TRIM39: variants seen among roughly 807,000 people sequenced by gnomAD.
TRIM39 encodes tripartite motif containing 39.
Under a neutral mutation model 53.6 loss-of-function variants are expected in TRIM39, and 5 were observed. That is an observed-to-expected ratio of 0.09 (90% confidence interval 0.05 to 0.20). The LOEUF (loss-of-function observed/expected upper bound fraction) is 0.20, where lower values mean the gene tolerates loss of function less well. Ranked by LOEUF, TRIM39 falls within the 10% of genes least tolerant of loss-of-function variation. The probability of loss-of-function intolerance (pLI) is 1.00; values close to 1 mark genes in which losing one functional copy is unlikely to be tolerated. For missense variants in TRIM39, 310 were observed against 621.0 expected (o/e 0.50, Z 5.32); for synonymous variants, 196 against 237.6 (o/e 0.82, Z 1.61).
rs1288612128 is a variant in TRIM39, at chr6:30,340,419, TAAA to T, written c.804-83_804-81del. 3 of 1,610,138 alleles carry T rather than the reference TAAA, an allele frequency of 1.9e-6. No individual in the cohort carries two copies. The Admixed American group carries it at 5.0e-5, about 27-fold the overall frequency. On this transcript the variant is annotated intron_variant, in intron 6 of 7. Coordinates refer to ENST00000396551, the Ensembl canonical transcript of TRIM39. ...AAGATGGAGAATTTTAATTTCTCCC[TAAA>T]AATGTTAACATCTGAATAGTCACTT...
intron 3 of TRIM39, 54 bp downstream of exon 3, chr6:30,329,824 G>T: frequency 6.3e-7 from 1 of 1,575,022 alleles, no homozygotes. Flanking sequence ...AAGCGGCAGA[G>T]GATGAGATAC....
rs1009306639 is a variant in TRIM39 at position 30,335,189 on chromosome 6, A to C, written c.550-556A>C. Among the ~76,000 whole-genome samples the C allele has an allele frequency of 1.3e-5, 2 of 152,234 alleles. No homozygotes were observed. Among genetic ancestry groups the C allele is most frequent in the African/African-American group, 4.8e-5 (2 of 41,462 alleles). On this transcript the variant is annotated intron_variant, in intron 4 of 7. Transcript: ENST00000396551. The surrounding 1 kb of genome is among the most constrained non-coding windows in gnomAD (Gnocchi z 4.7). The stretch of plus-strand genomic sequence containing the variant: ...CAGTGGTCTTCACTACCAAGTCATC[A>C]GTAGGGGGGTGATAGTGATGGAGCC...
rs2127410506 is a variant in TRIM39 at position 30,340,133 on chromosome 6, A to G, written c.803+203A>G. 3.7e-6 allele frequency: 4 copies of G among 1,079,016 alleles called. No homozygotes were observed. The East Asian group carries it at 1.0e-4, about 27-fold the overall frequency. The allele number at this position is 1,079,016 out of a possible 1,614,324, so 66.8% of individuals were successfully genotyped here. On this transcript the variant is annotated intron_variant, in intron 6 of 7. Transcript: ENST00000396551. ...TAATCCCTTTTCCCCTTTGAACATC[A>G]GGACTTCTTGAGAAGGAGAATGATA...
chr6:30,336,925 T>G lies in TRIM39; in HGVS notation c.780+950T>G, dbSNP rs566711275. On this transcript the variant is annotated intron_variant, in intron 5 of 7. Transcript: ENST00000396551. ...TTTATGAAATACATTTATTAAGACT[T>G]GAAAGTCCAAATTACTTCTTGATCC... Among the ~76,000 whole-genome samples the G allele has an allele frequency of 4.6e-5, 7 of 152,312 alleles. No individual in the cohort carries two copies. The South Asian group carries it at 1.5e-3, about 32-fold the overall frequency.
chr6:30,336,800 C>T (rs1786915696), intron 5 of TRIM39, among the ~76,000 whole-genome samples: 3 of 152,182 alleles, frequency 2.0e-5, no homozygotes, highest in Admixed American at 2.0e-4. Context: ...TTTCACAAAT[C>T]ACAAATGTTC....
chr6:30,342,182 C>T lies in TRIM39; in HGVS notation c.1390C>T (p.Leu464Phe). 7 of 1,613,072 alleles carry T rather than the reference C, an allele frequency of 4.3e-6. No individual in the cohort carries two copies. The highest frequency in any genetic ancestry group is 3.3e-5 in the South Asian group (3 of 91,084). The stretch of plus-strand genomic sequence containing the variant: ...TACTTTTACTGAGAAACTTTGGCCC[C>T]TCTTCTACCCAGGCATCCGGGCTGG... The change falls in exon 8 of 8, where the codon CTC (leucine) becomes TTC (phenylalanine). Residue 464 changes from leucine to phenylalanine, a missense_variant. Physicochemically the swap from Leu to Phe is conservative, Grantham distance 22. This residue lies in a region of TRIM39 where 75 missense variants were observed against 244.8 expected (regional missense o/e 0.31). Transcript: ENST00000396551. This position sits in a 1 kb window ranked among gnomAD's most constrained non-coding sequence, Gnocchi z 4.7.
intron 4 of TRIM39, 131 bp downstream of exon 4, chr6:30,331,007 C>A: frequency 9.2e-7 from 1 of 1,091,252 alleles, no homozygotes; most frequent in Non-Finnish European, 1.3e-6. Context: ...TGGTGGCTCA[C>A]ACCTGTAATC....
rs1255480398 is a variant in TRIM39, at chr6:30,329,894, C to T, written c.453+124C>T. ...CTTTGTATTCTCAGAGCTGCATATGCAGGGGCACACAGTATGTGTGATCAG... is the reference window on the plus strand; with the variant it reads ...CTTTGTATTCTCAGAGCTGCATATGTAGGGGCACACAGTATGTGTGATCAG... On this transcript the variant is annotated intron_variant, in intron 3 of 7. Coordinates refer to ENST00000396551, the Ensembl canonical transcript of TRIM39. 4 of 1,328,246 alleles carry T rather than the reference C, an allele frequency of 3.0e-6. No homozygotes were observed. In the East Asian group the frequency reaches 7.5e-5, roughly 25 times the overall value. The allele number at this position is 1,328,246 out of a possible 1,614,324, so 82.3% of individuals were successfully genotyped here. A position where few individuals can be genotyped will look rare whatever the true frequency, so the allele number is the denominator to read the frequency against.
chr6:30,342,671 T>G lies in TRIM39; in HGVS notation c.*412T>G, dbSNP rs535163153. On this transcript the variant is annotated 3_prime_UTR_variant, in exon 8 of 8. Transcript: ENST00000396551. The surrounding 1 kb of genome is among the most constrained non-coding windows in gnomAD (Gnocchi z 4.7). ...TTCTTTGACCCAGGATAGTCTTGCTTCTTGAGGTAGATCACAGGGGTCTGT... is the reference window on the plus strand; with the variant it reads ...TTCTTTGACCCAGGATAGTCTTGCTGCTTGAGGTAGATCACAGGGGTCTGT... The G allele has an allele frequency of 4.0e-5, 10 of 247,312 alleles. No homozygotes were observed. The East Asian group carries it at 7.6e-4, about 19-fold the overall frequency. The allele number at this position is 247,312 out of a possible 1,614,324, so 15.3% of individuals were successfully genotyped here.
intron 5 of TRIM39, 76 bp downstream of exon 5, chr6:30,336,051 G>C: frequency 6.3e-7 from 1 of 1,575,510 alleles, no homozygotes; most frequent in Non-Finnish European, 8.6e-7. Flanking sequence ...TTGTCAGCCT[G>C]GGATACTCAT....
At chr6:30,330,937 C>G (rs1786071473) in intron 4 of TRIM39, 61 bp downstream of exon 4, 1 of 1,562,476 alleles carries the variant, frequency 6.4e-7, no homozygotes, top group East Asian at 2.3e-5. Context: ...AGGGAATTAA[C>G]TGTACACTAT....
chr6:30,335,708 T>A lies in TRIM39; in HGVS notation c.550-37T>A, dbSNP rs1176531592. The A allele has an allele frequency of 6.2e-7, 1 of 1,603,916 alleles. No individual in the cohort carries two copies. The highest frequency in any genetic ancestry group is 1.3e-5 in the African/African-American group (1 of 74,770). ...AGAGAAAGGCTTCCTTATACCACAC[T>A]GACCCTGCTGATACAACATCTTCCC... On this transcript the variant is annotated intron_variant, in intron 4 of 7. Transcript: ENST00000396551. This position sits in a 1 kb window ranked among gnomAD's most constrained non-coding sequence, Gnocchi z 4.7.
exon 7 of TRIM39, chr6:30,340,515 G>T: frequency 6.2e-7 from 1 of 1,612,986 alleles, no homozygotes; most frequent in Non-Finnish European, 8.5e-7. Context: ...ATGTGAAAAG[G>T]TGAAGACCAT....
In TRIM39 at chr6:30,342,717, GATGA is replaced by G. The variant is rs1371871008; in HGVS notation, c.*463_*466del. On this transcript the variant is annotated 3_prime_UTR_variant, in exon 8 of 8. Coordinates refer to ENST00000396551, the Ensembl canonical transcript of TRIM39. The surrounding 1 kb of genome is among the most constrained non-coding windows in gnomAD (Gnocchi z 4.7). The stretch of plus-strand genomic sequence containing the variant: ...TCTGTGTACCTCTGAATTCATGAGA[GATGA>G]ATGACAGATGCTCTCATGGGTCTAG... 1.1e-5 allele frequency: 2 copies of G among 189,676 alleles called. No homozygotes were observed. The highest frequency in any genetic ancestry group is 2.2e-5 in the Non-Finnish European group (2 of 91,612). The allele number at this position is 189,676 out of a possible 1,614,324, so 11.7% of individuals were successfully genotyped here.
intron 6 of TRIM39, 22 bp from the exon 7 acceptor site, chr6:30,340,483 C>G: frequency 1.2e-6 from 2 of 1,612,840 alleles, no homozygotes; most frequent in Non-Finnish European, 1.7e-6. Flanking sequence ...CCTTTCTTCC[C>G]CTATCTCCCT....
Position 30,339,777 on chromosome 6 carries a change from C to A in TRIM39, c.781-131C>A. 3 of 1,266,858 alleles carry A rather than the reference C, an allele frequency of 2.4e-6. No individual in the cohort carries two copies. Among genetic ancestry groups the A allele is most frequent in the Non-Finnish European group, 3.4e-6 (3 of 887,116 alleles). 78.5% of individuals were successfully genotyped at this position (1,266,858 alleles called of 1,614,324 possible). A position where few individuals can be genotyped will look rare whatever the true frequency, so the allele number is the denominator to read the frequency against. ...TCAGGTCCCGCTGGAGCTCTTCTTGCACTGTGTGACCCTCAGTTTATCCTA... is the reference window on the plus strand; with the variant it reads ...TCAGGTCCCGCTGGAGCTCTTCTTGAACTGTGTGACCCTCAGTTTATCCTA... On this transcript the variant is annotated intron_variant, in intron 5 of 7. Coordinates refer to ENST00000396551, the Ensembl canonical transcript of TRIM39. The surrounding 1 kb of genome is among the most constrained non-coding windows in gnomAD (Gnocchi z 4.2).
intron 3 of TRIM39, among the ~76,000 whole-genome samples, chr6:30,330,554 G>C (rs1786020520): frequency 6.6e-6 from 1 of 152,134 alleles, no homozygotes; most frequent in Admixed American, 6.5e-5. Flanking sequence ...TTCAGTAAAA[G>C]GACAGTTGGG....
chr6:30,328,793 T>G (rs1302989810), intron 1 of TRIM39, 96 bp from the exon 2 acceptor site: 1 of 152,970 alleles, frequency 6.5e-6, no homozygotes, highest in Non-Finnish European at 1.5e-5. Context: ...AAGCTTAGAC[T>G]CCAGTGGATT....
At chr6:30,331,477 T>C (rs1164606509) in intron 4 of TRIM39, among the ~76,000 whole-genome samples, 2 of 152,178 alleles carry the variant, frequency 1.3e-5, no homozygotes, top group Admixed American at 6.5e-5. Context: ...GTCTCCTTTT[T>C]TTGTTAAAGC....
Sources: allele counts gnomAD v4.1 joint callset (sites outside exome capture counted in the v4.1 genomes callset), GRCh38; gene constraint gnomAD v4.1.1; regional missense constraint gnomAD v4.1.1; non-coding constraint Gnocchi (gnomAD v3.1); transcripts MANE v1.5; gene names NCBI Gene and HGNC (gene_info 2026-07-23, HGNC 2026-07-21).